Variants in FREM2 observed in about 807,000 individuals in gnomAD.
FREM2 encodes the protein FRAS1-related extracellular matrix protein 2.
In FREM2, 119 loss-of-function variants were observed where a neutral mutation model predicts 219.9. That is an observed-to-expected ratio of 0.54 (90% CI 0.47 to 0.63). The LOEUF (loss-of-function observed/expected upper bound fraction) is 0.63. FREM2 is among the 30% of genes least tolerant of loss of function. The pLI is 0.00. For missense variants in FREM2, 4,030 were observed against 3,993.6 expected, an observed-to-expected ratio of 1.01 and a Z score of -0.25; for synonymous variants, 1,562 against 1,522.8, an observed-to-expected ratio of 1.03 and a Z score of -0.60.
rs911162608 is a variant in FREM2, at chr13:38,809,142, GA to G, written c.6019+24337del. 6.0e-5 allele frequency among the ~76,000 whole-genome samples: 9 copies of G among 151,070 alleles called. No individual in the cohort carries two copies. In the South Asian group the frequency reaches 1.5e-3, roughly 24 times the overall value. ...CTTAAAAGCCTTGTCTTCAAGTTCAGAAATTCTTCTGCTTGATCTAGTTTAT... is the reference window on the plus strand; with the variant it reads ...CTTAAAAGCCTTGTCTTCAAGTTCAGAATTCTTCTGCTTGATCTAGTTTAT... On this transcript the variant is annotated intron_variant, in intron 6 of 23. Coordinates refer to ENST00000280481, the MANE Select transcript of FREM2 (RefSeq NM_207361.6).
intron 15 of FREM2, among the ~76,000 whole-genome samples, chr13:38,862,686 TA>T (rs1346406770): frequency 6.6e-6 from 1 of 152,214 alleles, no homozygotes; most frequent in Non-Finnish European, 1.5e-5. Context: ...TCTTTTGCTG[TA>T]TTGCTTATGC....
rs1869612314 is a variant in FREM2 at position 38,688,484 on chromosome 13, T to C, written c.1140T>C (p.Leu380=). 1 of 1,614,010 alleles carries C rather than the reference T, an allele frequency of 6.2e-7. No individual in the cohort carries two copies. ...LVSTDDRSLP[L]SSFTQRDLRL... is the part of the protein sequence containing the mutation. The stretch of plus-strand genomic sequence containing the variant: ...GCACCGATGATCGCAGCCTGCCCCT[T>C]TCCTCCTTCACTCAGAGGGATCTGC... Residue 380 remains leucine (L), a synonymous_variant, in exon 1 of 24, where the codon CTT becomes CTC. Transcript: ENST00000280481.
rs150765565 is a variant in FREM2, at chr13:38,856,129, T to C, written c.6929T>C (p.Ile2310Thr). The change falls in exon 12 of 24, where the codon ATT becomes ACT. Residue 2310 changes from isoleucine (I) to threonine (T), a missense_variant. Ile to Thr is a moderately conservative substitution (Grantham distance 89, BLOSUM62 -1). Coordinates refer to ENST00000280481, the MANE Select transcript of FREM2 (RefSeq NM_207361.6). ...GEDYHPVSEE[I>T]EFKEGETQHV... Reference sequence around the variant, plus strand: ...ATCTGTGATGTTACATTTGTAGAAATTGAGTTTAAGGAAGGGGAAACCCAG... The same window carrying C: ...ATCTGTGATGTTACATTTGTAGAAACTGAGTTTAAGGAAGGGGAAACCCAG... 1.8e-4 allele frequency: 296 copies of C among 1,605,944 alleles called. No homozygotes were observed. The highest frequency in any genetic ancestry group is 2.4e-4 in the Non-Finnish European group (278 of 1,173,536).
At chr13:38,871,177 G>T (rs1878144285) in intron 16 of FREM2, among the ~76,000 whole-genome samples, 1 of 152,174 alleles carries the variant, frequency 6.6e-6, no homozygotes, top group Non-Finnish European at 1.5e-5. Flanking sequence ...AGCTAAGAAT[G>T]AAATAACTGG....
At chr13:38,757,815 C>T (rs1377564915) in intron 2 of FREM2, among the ~76,000 whole-genome samples, 3 of 151,884 alleles carry the variant, frequency 2.0e-5, no homozygotes, top group Non-Finnish European at 2.9e-5. Context: ...GTCAAACTCC[C>T]GACCTCAGGT....
intron 6 of FREM2, among the ~76,000 whole-genome samples, chr13:38,800,688 G>A (rs554339894): frequency 4.1e-4 from 62 of 152,278 alleles, no homozygotes; most frequent in African/African-American, 1.5e-3. Context: ...GGAATGCAAT[G>A]GTGCAATCTC....
Position 38,887,090 on chromosome 13 carries a change from A to G in FREM2, c.*6303A>G, listed in dbSNP as rs1878757405. ...AACTACGCTTGCTTTCCTTCAAAAT[A>G]TACCAAGTGTGTAATATAAATAAAG... On this transcript the variant is annotated 3_prime_UTR_variant, in exon 24 of 24. Coordinates refer to ENST00000280481, the MANE Select transcript of FREM2 (RefSeq NM_207361.6). 1 of 152,206 alleles carries G rather than the reference A, an allele frequency of 6.6e-6. No individual in the cohort carries two copies. Among genetic ancestry groups the G allele is most frequent in the Admixed American group, 6.5e-5 (1 of 15,280 alleles). 9.4% of individuals were successfully genotyped at this position (152,206 alleles called of 1,614,324 possible).
chr13:38,723,667 A>T (rs1871390017), intron 2 of FREM2, among the ~76,000 whole-genome samples: 2 of 152,184 alleles, frequency 1.3e-5, no homozygotes, highest in Admixed American at 1.3e-4. Context: ...GCGAGAACTG[A>T]TTCCTAATGC....
chr13:38,797,402 T>C (rs1874835231), intron 6 of FREM2, among the ~76,000 whole-genome samples: 1 of 152,172 alleles, frequency 6.6e-6, no homozygotes, highest in East Asian at 1.9e-4. Flanking sequence ...ATATCTTTTT[T>C]TGAGAAATGT....
At chr13:38,838,933 T>C (rs1288449724) in intron 6 of FREM2, among the ~76,000 whole-genome samples, 2 of 152,184 alleles carry the variant, frequency 1.3e-5, no homozygotes, top group African/African-American at 2.4e-5. Flanking sequence ...GAGTTTGTTA[T>C]TACCCACCTT....
chr13:38,753,435 C>G (rs1441006842), intron 2 of FREM2, among the ~76,000 whole-genome samples: 1 of 152,140 alleles, frequency 6.6e-6, no homozygotes, highest in Admixed American at 6.5e-5. Context: ...CTTTCTGAAT[C>G]TTAGTGAAAT....
rs967868768 is a variant in FREM2 at position 38,883,534 on chromosome 13, A to G, written c.*2747A>G. The G allele has an allele frequency of 1.3e-5, 2 of 152,204 alleles. No individual in the cohort carries two copies. The highest frequency in any genetic ancestry group is 2.9e-5 in the Non-Finnish European group (2 of 68,032). The allele number at this position is 152,204 out of a possible 1,614,324, so 9.4% of individuals were successfully genotyped here. ...TATTATTCAAGTGGCTCTTCTAAGCATGTGAATCATGAAGCACTGAAATAT... is the reference window on the plus strand; with the variant it reads ...TATTATTCAAGTGGCTCTTCTAAGCGTGTGAATCATGAAGCACTGAAATAT... On this transcript the variant is annotated 3_prime_UTR_variant, in exon 24 of 24. Transcript: ENST00000280481.
At chr13:38,702,933 C>G (rs1168996822) in intron 2 of FREM2, among the ~76,000 whole-genome samples, 2 of 152,022 alleles carry the variant, frequency 1.3e-5, no homozygotes, top group African/African-American at 4.8e-5. Context: ...GCCCAATTTT[C>G]CATCCCCCAA....
rs760053802 is a variant in FREM2 at position 38,874,477 on chromosome 13, TATAGGTTCTCTCTATCCAACCAGC to T, written c.8177-2_8198del. The stretch of plus-strand genomic sequence containing the variant: ...TTTTCATTCTTGGTACTCTCCCCAT[TATAGGTTCTCTCTATCCAACCAGC>T]ATGCGCATCGGTGATGAGGGGCGCT... On this transcript the variant is annotated splice_acceptor_variant and splice_polypyrimidine_tract_variant and coding_sequence_variant and intron_variant, in exon 18 of 24. Transcript: ENST00000280481. LOFTEE classifies it high-confidence loss of function. The T allele has an allele frequency of 1.2e-6, 2 of 1,612,180 alleles. No homozygotes were observed. The highest frequency in any genetic ancestry group is 1.7e-6 in the Non-Finnish European group (2 of 1,178,264).
chr13:38,764,522 A>G, intron 3 of FREM2, 72 bp downstream of exon 3: 2 of 920,958 alleles, frequency 2.2e-6, no homozygotes, highest in Non-Finnish European at 3.3e-6. Flanking sequence ...TACAGTGATT[A>G]AAGTATCAGT....
At chr13:38,856,512 G>C (rs1162808978) in intron 12 of FREM2, among the ~76,000 whole-genome samples, 3 of 152,112 alleles carry the variant, frequency 2.0e-5, no homozygotes. Context: ...CCAAACCTGT[G>C]CACTTCCCTT....
chr13:38,698,499 T>C (rs1296713329), intron 2 of FREM2, among the ~76,000 whole-genome samples: 2 of 152,158 alleles, frequency 1.3e-5, no homozygotes, highest in Non-Finnish European at 2.9e-5. Context: ...CCTAACCCTG[T>C]GGGTGAGGAG....
At chr13:38,825,261 G>T (rs1006553340) in intron 6 of FREM2, among the ~76,000 whole-genome samples, 1 of 151,970 alleles carries the variant, frequency 6.6e-6, no homozygotes, top group African/African-American at 2.4e-5. Flanking sequence ...TCCCCAGTAT[G>T]GAGCACAGTG....
chr13:38,737,101 A>G (rs1872029763), intron 2 of FREM2, among the ~76,000 whole-genome samples: 1 of 152,154 alleles, frequency 6.6e-6, no homozygotes, highest in Non-Finnish European at 1.5e-5. Context: ...CTGTGAGTGT[A>G]TCATGTGTGG....
Sources: gnomAD v4.1 joint callset for allele counts (sites outside exome capture counted in the v4.1 genomes callset) on GRCh38, gnomAD v4.1.1 for gene constraint, MANE v1.5 for transcripts, NCBI Gene and HGNC (gene_info 2026-07-23, HGNC 2026-07-21) for gene names.